Variants in EGF observed in about 807,000 individuals in gnomAD.
EGF encodes pro-epidermal growth factor.
Under a neutral mutation model 143.8 loss-of-function variants are expected in EGF, and 95 were observed. The ratio of observed to expected loss-of-function variants is 0.66; its 90% CI spans 0.56 to 0.78. The LOEUF is 0.78. Among genes scored for constraint, EGF ranks in the 30% least tolerant of loss-of-function variants. The pLI is 0.00. For synonymous variants in EGF, 510 were observed against 510.5 expected (o/e 1.00, Z 0.01); for missense variants, 1,320 against 1,470.9 (o/e 0.90, Z 1.68).
At chr4:109,937,929 C>G (rs1422154122) in intron 1 of EGF, among the ~76,000 whole-genome samples, 1 of 152,160 alleles carries the variant, frequency 6.6e-6, no homozygotes, top group African/African-American at 2.4e-5. Flanking sequence ...ACCTTTCTCT[C>G]TGGCTGCCCT....
chr4:109,960,852 G>T lies in EGF; in HGVS notation c.1067-15G>T, dbSNP rs759395812. 1.2e-6 allele frequency: 2 copies of T among 1,613,650 alleles called. No individual in the cohort carries two copies. The highest frequency in any genetic ancestry group is 2.7e-5 in the African/African-American group (2 of 74,868). ...AATAGCCATTTGAATGTATTGTGCT[G>T]TTGTCATTGTGCAGATGTTAATGAA... On this transcript the variant is annotated splice_polypyrimidine_tract_variant and intron_variant, in intron 6 of 23. Transcript: ENST00000265171.
intron 16 of EGF, among the ~76,000 whole-genome samples, chr4:109,984,734 A>G (rs1749889397): frequency 6.6e-6 from 1 of 152,212 alleles, no homozygotes; most frequent in Non-Finnish European, 1.5e-5. Context: ...AAATCAGTTC[A>G]CAGATATGAA....
At chr4:109,981,116 G>T in intron 15 of EGF, 141 bp downstream of exon 15, 1 of 1,337,050 alleles carries the variant, frequency 7.5e-7, no homozygotes. Flanking sequence ...GAATTTGTTT[G>T]TTTATTTGTT....
Position 109,980,112 on chromosome 4 carries a change from G to C in EGF, c.2194G>C (p.Val732Leu). Reference protein sequence around the residue: ...QGSMLKPSSLVVVHPLAKPGA... With the variant: ...QGSMLKPSSLLVVHPLAKPGA... Reference sequence around the variant, plus strand: ...CAGCATGCTGAAGCCCTCATCACTGGTTGTGGTTCATCCATTGGCAAAACC... The same window carrying C: ...CAGCATGCTGAAGCCCTCATCACTGCTTGTGGTTCATCCATTGGCAAAACC... The change falls in exon 14 of 24, where the codon GTT becomes CTT. Residue 732 changes from valine (V) to leucine (L), a missense_variant. This residue lies in a region of EGF where 1,186 missense variants were observed against 1,313.7 expected (regional missense o/e 0.90). Coordinates refer to ENST00000265171, the MANE Select transcript of EGF (RefSeq NM_001963.6). The C allele has an allele frequency of 6.2e-7, 1 of 1,612,062 alleles. No homozygotes were observed.
At chr4:109,961,191 C>T (rs1028040259) in intron 7 of EGF, among the ~76,000 whole-genome samples, 1 of 125,038 alleles carries the variant, frequency 8.0e-6, no homozygotes, top group African/African-American at 2.9e-5. Flanking sequence ...ACTAAAAATA[C>T]AAAAAAAAAA....
Position 109,994,749 on chromosome 4 carries a change from T to A in EGF, c.2874T>A (p.Pro958=). The change falls in exon 20 of 24, where the codon CCT becomes CCA. Residue 958 remains proline (P), a synonymous_variant. Coordinates refer to ENST00000265171, the MANE Select transcript of EGF (RefSeq NM_001963.6). ...GLICPDSTPP[P]HLREDDHHYS... ...TTCTTTTAGACTCTACTCCACCCCC[T>A]CACCTCAGGGAAGATGACCACCACT... The A allele has an allele frequency of 6.2e-7, 1 of 1,614,114 alleles. No homozygotes were observed. Among genetic ancestry groups the A allele is most frequent in the South Asian group, 1.1e-5 (1 of 91,084 alleles).
intron 5 of EGF, among the ~76,000 whole-genome samples, chr4:109,955,618 A>G (rs1048924170): frequency 1.3e-5 from 2 of 152,192 alleles, no homozygotes; most frequent in African/African-American, 4.8e-5. Context: ...GCAGCATGGT[A>G]TAGTGGAAAA....
At chr4:109,968,255 G>A (rs1746931036) in intron 10 of EGF, among the ~76,000 whole-genome samples, 1 of 152,098 alleles carries the variant, frequency 6.6e-6, no homozygotes, top group African/African-American at 2.4e-5. Flanking sequence ...AGGAACTTTA[G>A]CAAATACCTA....
intron 20 of EGF, among the ~76,000 whole-genome samples, chr4:109,996,763 G>T (rs1020252383): frequency 2.8e-4 from 43 of 152,326 alleles, no homozygotes; most frequent in African/African-American, 1.0e-3. Context: ...GGAAGTGAGA[G>T]TTGGGAGTCT....
chr4:109,989,485 A>G lies in EGF; in HGVS notation c.2734+776A>G, dbSNP rs888251647. 6.6e-5 allele frequency among the ~76,000 whole-genome samples: 10 copies of G among 152,218 alleles called. 1 individual carries two copies. The highest frequency in any genetic ancestry group is 3.3e-4 in the Admixed American group (5 of 15,288). On this transcript the variant is annotated intron_variant, in intron 18 of 23. Transcript: ENST00000265171. ...ACCTAAGAAACTGATAAGAAGCTCA[A>G]ATGATACTGCTTTCTCCCACTTGCT...
chr4:109,937,457 A>G (rs1213300372), intron 1 of EGF, among the ~76,000 whole-genome samples: 1 of 151,714 alleles, frequency 6.6e-6, no homozygotes, highest in Non-Finnish European at 1.5e-5. Flanking sequence ...GGGCCTCCTG[A>G]AACCAGCACA....
intron 1 of EGF, among the ~76,000 whole-genome samples, chr4:109,914,949 G>A (rs1020050541): frequency 2.0e-5 from 3 of 152,186 alleles, no homozygotes; most frequent in African/African-American, 4.8e-5. Flanking sequence ...GATCTATCAG[G>A]CAGCCAGAAG....
chr4:110,009,225 A>T (rs1753700673), intron 23 of EGF, among the ~76,000 whole-genome samples: 1 of 152,234 alleles, frequency 6.6e-6, no homozygotes, highest in Non-Finnish European at 1.5e-5. Context: ...GTACACTTAA[A>T]AATTGAATAT....
chr4:109,940,572 G>A (rs527531911), intron 1 of EGF, among the ~76,000 whole-genome samples: 1 of 152,236 alleles, frequency 6.6e-6, no homozygotes, highest in South Asian at 2.1e-4. Context: ...TGTAATTTTA[G>A]TTCTAATTTA....
chr4:109,952,607 T>C (rs773728209), intron 5 of EGF, among the ~76,000 whole-genome samples: 2 of 152,238 alleles, frequency 1.3e-5, no homozygotes, highest in Non-Finnish European at 2.9e-5. Flanking sequence ...GTTCATATAA[T>C]TTTAAATTAT....
At chr4:109,913,534 G>A in intron 1 of EGF, 72 bp downstream of exon 1, 2 of 1,580,150 alleles carry the variant, frequency 1.3e-6, no homozygotes, top group Non-Finnish European at 1.7e-6. Context: ...GTTCAATCTG[G>A]TATACTTGGG....
At chr4:109,976,993 C>T (rs1395244497) in intron 13 of EGF, among the ~76,000 whole-genome samples, 3 of 151,970 alleles carry the variant, frequency 2.0e-5, no homozygotes, top group East Asian at 1.9e-4. Context: ...TATAGGAGTT[C>T]GATTGGAATT....
chr4:109,947,392 T>TA (rs1157436975), intron 5 of EGF, among the ~76,000 whole-genome samples: 1 of 151,836 alleles, frequency 6.6e-6, no homozygotes. Context: ...TTTTTTTTTT[T>TA]AAGATGGAGT....
At chr4:109,928,495 G>A (rs774211806) in intron 1 of EGF, among the ~76,000 whole-genome samples, 13 of 152,194 alleles carry the variant, frequency 8.5e-5, no homozygotes, top group Non-Finnish European at 1.6e-4. Context: ...CCAGACAGCA[G>A]GCTTCAGAGC....
Sources: gnomAD v4.1 joint callset for allele counts (sites outside exome capture counted in the v4.1 genomes callset) on GRCh38, gnomAD v4.1.1 for gene constraint, gnomAD v4.1.1 regional missense constraint, MANE v1.5 for transcripts, NCBI Gene and HGNC (gene_info 2026-07-23, HGNC 2026-07-21) for gene names.